Variants in PDE2A observed in about 807,000 individuals in gnomAD.
The protein encoded by PDE2A is phosphodiesterase 2A.
A neutral mutation model predicts 133.6 loss-of-function variants in PDE2A; 53 were observed. The ratio of observed to expected loss-of-function variants is 0.40; its 90% CI spans 0.32 to 0.50. The LOEUF is 0.50. PDE2A is among the 20% of genes least tolerant of loss of function. The pLI is 0.73. For synonymous variants in PDE2A, 491 were observed against 490.2 expected (o/e 1.00, Z -0.02); for missense variants, 796 against 1,232.4 (o/e 0.65, Z 5.30).
intron 1 of PDE2A, among the ~76,000 whole-genome samples, chr11:72,645,159 G>A (rs1302321677): frequency 5.3e-5 from 8 of 152,182 alleles, no homozygotes; most frequent in Non-Finnish European, 2.9e-5. Context: ...GAGTCTTTCT[G>A]TGTCAACCTT....
At chr11:72,588,251 C>T (rs1003776996) in intron 13 of PDE2A, among the ~76,000 whole-genome samples, 1 of 152,132 alleles carries the variant, frequency 6.6e-6, no homozygotes, top group African/African-American at 2.4e-5. Flanking sequence ...ATTTCTAGAC[C>T]CCAGGTTTGT....
At chr11:72,583,702 TTCC>T in intron 19 of PDE2A, 187 bp from the exon 20 acceptor site, 1 of 589,526 alleles carries the variant, frequency 1.7e-6, no homozygotes, top group Non-Finnish European at 3.0e-6. Context: ...CCCGCGCCGG[TTCC>T]TCCTCATCAA....
chr11:72,582,435 G>T lies in PDE2A; in HGVS notation c.1851+9C>A, dbSNP rs754060475. 10 of 1,613,154 alleles carry T rather than the reference G, an allele frequency of 6.2e-6. No homozygotes were observed. The highest frequency in any genetic ancestry group is 1.3e-5 in the African/African-American group (1 of 74,898). ...GGCCTGGCCAGTCAAGTGGAGGAGA[G>T]CAACTCACCATGGACGTGTCATCCT... On this transcript the variant is annotated intron_variant, in intron 21 of 30. Transcript: ENST00000334456.
intron 23 of PDE2A, 105 bp from the exon 24 acceptor site, chr11:72,581,078 A>C (rs898801984): frequency 5.8e-6 from 5 of 857,630 alleles, no homozygotes; most frequent in Admixed American, 5.8e-5. Flanking sequence ...AGCCACTGGG[A>C]CAGGAGGTTG....
At chr11:72,658,896 ATG>A (rs1854973523) in intron 1 of PDE2A, among the ~76,000 whole-genome samples, 2 of 151,742 alleles carry the variant, frequency 1.3e-5, no homozygotes, top group East Asian at 3.9e-4. Flanking sequence ...GGGTCTCCCT[ATG>A]TTTCCCAGGC....
chr11:72,612,230 T>C (rs1393117176), intron 2 of PDE2A, among the ~76,000 whole-genome samples: 1 of 151,662 alleles, frequency 6.6e-6, no homozygotes, highest in African/African-American at 2.4e-5. Context: ...GGCAATCATA[T>C]ATTCAATGCA....
intron 13 of PDE2A, among the ~76,000 whole-genome samples, chr11:72,587,063 C>A (rs542388006): frequency 6.6e-6 from 1 of 152,332 alleles, no homozygotes; most frequent in African/African-American, 2.4e-5. Flanking sequence ...TCTGAGAAAA[C>A]CTTGGGCTCT....
chr11:72,617,511 G>A (rs1421600143), intron 2 of PDE2A, among the ~76,000 whole-genome samples: 2 of 152,188 alleles, frequency 1.3e-5, no homozygotes, highest in African/African-American at 2.4e-5. Flanking sequence ...TGTGCTCTGC[G>A]GCATGTGTGT....
intron 1 of PDE2A, among the ~76,000 whole-genome samples, chr11:72,659,820 C>T (rs1027801175): frequency 1.3e-5 from 2 of 151,948 alleles, no homozygotes; most frequent in Non-Finnish European, 2.9e-5. Context: ...ACCCTGTCAC[C>T]CACTCTATGG....
At position 72,585,452 on chromosome 11, in the gene PDE2A, C is replaced by G; in HGVS notation, c.1223-18G>C. 1 of 1,613,850 alleles carries G rather than the reference C, an allele frequency of 6.2e-7. No homozygotes were observed. The highest frequency in any genetic ancestry group is 8.5e-7 in the Non-Finnish European group (1 of 1,179,760). ...GACGTCATCTGGGGAAGGGAGAAGA[C>G]CAGGCAGGGTGAGACCAGGCTGCCA... On this transcript the variant is annotated intron_variant, in intron 15 of 30. Coordinates refer to ENST00000334456, the MANE Select transcript of PDE2A (RefSeq NM_002599.5).
At chr11:72,589,272 C>T in intron 11 of PDE2A, 32 bp from the exon 12 acceptor site, 1 of 1,519,752 alleles carries the variant, frequency 6.6e-7, no homozygotes, top group Non-Finnish European at 9.1e-7. Context: ...AGTCAGGGCC[C>T]AGTACTCCCC....
chr11:72,608,676 C>T lies in PDE2A; in HGVS notation c.220G>A (p.Val74Met). Residue 74 changes from valine (V) to methionine (M), a missense_variant, in exon 3 of 31, where the codon GTG (valine) becomes ATG (methionine). By Grantham distance (21) the Val-to-Met change is conservative. Transcript: ENST00000334456. The stretch of plus-strand genomic sequence containing the variant: ...CGGGCACCTACCACTCGGGGGAGCA[C>T]AGCTGACAGGGCCTCCTTGACAGCA... The part of the protein sequence containing the change: ...QRAVKEALSA[V>M]LPRVETVYTY... The T allele has an allele frequency of 6.4e-7, 1 of 1,564,872 alleles. No individual in the cohort carries two copies. Among genetic ancestry groups the T allele is most frequent in the Non-Finnish European group, 8.7e-7 (1 of 1,150,748 alleles).
chr11:72,593,338 A>C (rs978237302), intron 6 of PDE2A, among the ~76,000 whole-genome samples: 2 of 151,830 alleles, frequency 1.3e-5, no homozygotes, highest in African/African-American at 4.8e-5. Flanking sequence ...GCGCCCCCAT[A>C]CACAAACACA....
chr11:72,587,605 C>T (rs901136261), intron 13 of PDE2A, among the ~76,000 whole-genome samples: 4 of 152,236 alleles, frequency 2.6e-5, no homozygotes, highest in African/African-American at 7.2e-5. Flanking sequence ...CCCATTCACT[C>T]TACCTTCCCT....
At chr11:72,593,892 C>T (rs1856363739) in intron 6 of PDE2A, among the ~76,000 whole-genome samples, 1 of 152,214 alleles carries the variant, frequency 6.6e-6, no homozygotes, top group African/African-American at 2.4e-5. Flanking sequence ...CACGTGTGAT[C>T]CTATCCTTAT....
intron 1 of PDE2A, among the ~76,000 whole-genome samples, chr11:72,661,092 C>T (rs1855041731): frequency 1.3e-5 from 2 of 152,010 alleles, no homozygotes; most frequent in South Asian, 2.1e-4. Context: ...ATCACCTGAG[C>T]TCAGAAGTTG....
intron 6 of PDE2A, among the ~76,000 whole-genome samples, chr11:72,593,793 C>G (rs1856357659): frequency 6.6e-6 from 1 of 152,266 alleles, no homozygotes. Flanking sequence ...GCATATTCCT[C>G]AGAGAGCCCT....
At chr11:72,654,699 G>A (rs55835028) in intron 1 of PDE2A, among the ~76,000 whole-genome samples, 21,766 of 152,284 alleles carry the variant, frequency 0.14, 1,629 homozygotes, top group Middle Eastern at 0.16. Context: ...GAGCTCCTGT[G>A]CCCTCAGAGG....
chr11:72,646,784 GC>G (rs1270686298), intron 1 of PDE2A, among the ~76,000 whole-genome samples: 7 of 152,060 alleles, frequency 4.6e-5, no homozygotes, highest in African/African-American at 1.7e-4. Flanking sequence ...CCAACCTGTT[GC>G]CCTCCCATTT....
Sources: allele counts gnomAD v4.1 joint callset (sites outside exome capture counted in the v4.1 genomes callset), GRCh38; gene constraint gnomAD v4.1.1; transcripts MANE v1.5; gene names NCBI Gene and HGNC (gene_info 2026-07-23, HGNC 2026-07-21).